PHLPP1: variants seen among roughly 807,000 people sequenced by gnomAD.
The protein encoded by PHLPP1 is PH domain leucine-rich repeat-containing protein phosphatase 1.
Under a neutral mutation model 117.2 loss-of-function variants are expected in PHLPP1, and 42 were observed. The ratio of observed to expected loss-of-function variants is 0.36; its 90% CI spans 0.28 to 0.46. PHLPP1 has a LOEUF of 0.46. Ranked by LOEUF, PHLPP1 falls within the 20% of genes least tolerant of loss-of-function variation. The probability of loss-of-function intolerance (pLI) is 1.00; values close to 1 mark genes in which losing one functional copy is unlikely to be tolerated. For synonymous variants in PHLPP1, 1,042 were observed against 970.7 expected (o/e 1.07, Z -1.37); for missense variants, 2,084 against 2,241.9 (o/e 0.93, Z 1.42).
At chr18:62,929,041 T>A (rs1381919085) in intron 10 of PHLPP1, among the ~76,000 whole-genome samples, 1 of 152,184 alleles carries the variant, frequency 6.6e-6, no homozygotes, top group East Asian at 1.9e-4. Context: ...ATGATGAAAC[T>A]GTTGTGGAAT....
intron 3 of PHLPP1, among the ~76,000 whole-genome samples, chr18:62,849,976 A>G (rs770946896): frequency 8.2e-4 from 124 of 150,900 alleles, no homozygotes; most frequent in Non-Finnish European, 1.5e-3. Context: ...TTATTATTTT[A>G]TAAAGTAGGA....
At chr18:62,761,710 A>G (rs1414102392) in intron 1 of PHLPP1, among the ~76,000 whole-genome samples, 1 of 152,012 alleles carries the variant, frequency 6.6e-6, no homozygotes, top group African/African-American at 2.4e-5. Flanking sequence ...TAAAGAAAAA[A>G]TAACAGGCCT....
chr18:62,735,787 A>G (rs187981959), intron 1 of PHLPP1, among the ~76,000 whole-genome samples: 281 of 152,268 alleles, frequency 1.8e-3, no homozygotes, highest in African/African-American at 6.5e-3. Context: ...TTAGAAACGT[A>G]TGTAATATTG....
chr18:62,850,354 A>C (rs572702955), intron 3 of PHLPP1, among the ~76,000 whole-genome samples: 24 of 115,114 alleles, frequency 2.1e-4, no homozygotes, highest in Non-Finnish European at 3.6e-4. Flanking sequence ...AGCTACTGCA[A>C]TCCCGGATGG....
intron 4 of PHLPP1, among the ~76,000 whole-genome samples, chr18:62,888,338 T>G (rs1568150757): frequency 7.8e-6 from 1 of 128,298 alleles, no homozygotes; most frequent in African/African-American, 2.6e-5. Context: ...TGTGTGTATG[T>G]TTTTTTTTTC....
chr18:62,932,311 T>C lies in PHLPP1; in HGVS notation c.2961-9407T>C, dbSNP rs938876648. Reference sequence around the variant, plus strand: ...TCCTGATACCAAAATCTGACAAGGATACAAAAAGGAAAATAACAAGCCAAT... The same window carrying C: ...TCCTGATACCAAAATCTGACAAGGACACAAAAAGGAAAATAACAAGCCAAT... On this transcript the variant is annotated intron_variant, in intron 10 of 16. Coordinates refer to ENST00000262719, the MANE Select transcript of PHLPP1 (RefSeq NM_194449.4). 1.7e-4 allele frequency among the ~76,000 whole-genome samples: 16 copies of C among 94,852 alleles called. 1 individual carries two copies. The highest frequency in any genetic ancestry group is 1.1e-3 in the Admixed American group (11 of 9,638). The allele number at this position is 94,852 out of a possible 152,430, so 62.2% of individuals were successfully genotyped here.
At chr18:62,832,954 A>C (rs770861144) in intron 2 of PHLPP1, among the ~76,000 whole-genome samples, 18 of 152,204 alleles carry the variant, frequency 1.2e-4, no homozygotes, top group Non-Finnish European at 2.1e-4. Context: ...CTTTGCTGTT[A>C]AATAAAACTC....
intron 1 of PHLPP1, among the ~76,000 whole-genome samples, chr18:62,718,224 A>G (rs1568092466): frequency 6.6e-6 from 1 of 152,234 alleles, no homozygotes; most frequent in Non-Finnish European, 1.5e-5. Context: ...TCTCAGTGAT[A>G]AGGAATTTTA....
intron 1 of PHLPP1, among the ~76,000 whole-genome samples, chr18:62,771,811 T>G (rs183883582): frequency 2.3e-4 from 35 of 152,356 alleles, no homozygotes; most frequent in African/African-American, 7.0e-4. Flanking sequence ...GAATGCACAC[T>G]ACTCTAGGCC....
chr18:62,976,605 C>A (rs1021122236), intron 16 of PHLPP1, among the ~76,000 whole-genome samples: 2 of 152,176 alleles, frequency 1.3e-5, no homozygotes, highest in Non-Finnish European at 2.9e-5. Context: ...CAGTGTCTAC[C>A]ATCCATGTGC....
At chr18:62,966,796 C>T (rs1410029421) in intron 14 of PHLPP1, among the ~76,000 whole-genome samples, 1 of 152,132 alleles carries the variant, frequency 6.6e-6, no homozygotes, top group Non-Finnish European at 1.5e-5. Context: ...AAAAGAATAT[C>T]ATCATGTGTA....
chr18:62,860,567 C>T lies in PHLPP1; in HGVS notation c.2032C>T (p.Leu678Phe). Residue 678 changes from leucine (L) to phenylalanine (F), a missense_variant, in exon 4 of 17, where the codon CTT becomes TTT. Leu to Phe is a conservative substitution (Grantham distance 22). Around this residue, in one of 2 missense-constraint regions of PHLPP1, gnomAD observed 1,365 missense variants for 1,605.9 expected, o/e 0.85. Coordinates refer to ENST00000262719, the MANE Select transcript of PHLPP1 (RefSeq NM_194449.4). ...AAACTTCCTAAGGCAGAACCCTAGC[C>T]TTCCAGCTGCCAGGGGGCTTAATGA... ...KQNFLRQNPS[L>F]PAARGLNELQ... is the part of the protein sequence containing the mutation. 6.2e-7 allele frequency: 1 copy of T among 1,613,446 alleles called. No homozygotes were observed. Among genetic ancestry groups the T allele is most frequent in the Non-Finnish European group, 8.5e-7 (1 of 1,179,670 alleles).
intron 4 of PHLPP1, among the ~76,000 whole-genome samples, chr18:62,879,125 G>A (rs1350393852): frequency 6.6e-6 from 1 of 152,190 alleles, no homozygotes; most frequent in Non-Finnish European, 1.5e-5. Context: ...CAAAGTTGAT[G>A]TGTTGGAAAC....
intron 12 of PHLPP1, among the ~76,000 whole-genome samples, chr18:62,958,221 C>T (rs2093140043): frequency 6.6e-6 from 1 of 152,186 alleles, no homozygotes; most frequent in Non-Finnish European, 1.5e-5. Flanking sequence ...TGTACTCAGC[C>T]TTCTTTGTTT....
chr18:62,840,338 G>C (rs1915019560), intron 3 of PHLPP1, among the ~76,000 whole-genome samples: 3 of 152,142 alleles, frequency 2.0e-5, no homozygotes, highest in Non-Finnish European at 2.9e-5. Context: ...TAGACAAATG[G>C]AGGTTCTAAA....
intron 1 of PHLPP1, among the ~76,000 whole-genome samples, chr18:62,771,826 G>A (rs187599574): frequency 1.8e-3 from 276 of 152,322 alleles, no homozygotes; most frequent in African/African-American, 6.5e-3. Flanking sequence ...TAGGCCTTCA[G>A]TAAGCCCATC....
At chr18:62,868,354 T>TAGATGA (rs1486641731) in intron 4 of PHLPP1, among the ~76,000 whole-genome samples, 1 of 152,156 alleles carries the variant, frequency 6.6e-6, no homozygotes, top group Non-Finnish European at 1.5e-5. Flanking sequence ...CAGACTATTT[T>TAGATGA]AGATGAAAAT....
chr18:62,914,455 G>A (rs943662149), intron 8 of PHLPP1, among the ~76,000 whole-genome samples: 1 of 152,152 alleles, frequency 6.6e-6, no homozygotes, highest in African/African-American at 2.4e-5. Flanking sequence ...TTAACCTAAA[G>A]ATAGGGTCTC....
intron 10 of PHLPP1, among the ~76,000 whole-genome samples, chr18:62,935,896 G>A (rs1476386101): frequency 6.6e-6 from 1 of 152,104 alleles, no homozygotes; most frequent in Non-Finnish European, 1.5e-5. Context: ...TCAGCTACTT[G>A]GGAGGCTGAG....
Sources: gnomAD v4.1 joint callset for allele counts (sites outside exome capture counted in the v4.1 genomes callset) on GRCh38, gnomAD v4.1.1 for gene constraint, gnomAD v4.1.1 regional missense constraint, MANE v1.5 for transcripts, NCBI Gene and HGNC (gene_info 2026-07-23, HGNC 2026-07-21) for gene names.